The following ASIC2 variants were observed in gnomAD, a reference collection of about 807,000 sequenced individuals.
The protein encoded by ASIC2 is acid sensing ion channel subunit 2, also known as acid-sensing ion channel 2.
In ASIC2, 25 loss-of-function variants were observed where a neutral mutation model predicts 57.3. The observed-to-expected ratio is 0.44, with a 90% confidence interval of 0.32 to 0.61. The LOEUF (loss-of-function observed/expected upper bound fraction) is 0.61, where lower values mean the gene tolerates loss of function less well. Ranked by LOEUF, ASIC2 falls within the 20% of genes least tolerant of loss-of-function variation. ASIC2 has a pLI of 0.06. For missense variants in ASIC2, 641 were observed against 738.1 expected, an observed-to-expected ratio of 0.87 and a Z score of 1.52; for synonymous variants, 319 against 307.5, an observed-to-expected ratio of 1.04 and a Z score of -0.39.
chr17:33,646,380 C>T (rs1906739931), intron 1 of ASIC2, among the ~76,000 whole-genome samples: 1 of 152,126 alleles, frequency 6.6e-6, no homozygotes, highest in Admixed American at 6.5e-5. Context: ...CACTGATTGG[C>T]CAGATCCCAA....
At chr17:33,174,356 G>A (rs1905652177) in intron 1 of ASIC2, among the ~76,000 whole-genome samples, 1 of 151,336 alleles carries the variant, frequency 6.6e-6, no homozygotes, top group South Asian at 2.1e-4. Context: ...GGGTGGTGGA[G>A]GTTGCAGTGA....
chr17:33,919,721 C>T (rs8065025), intron 1 of ASIC2, among the ~76,000 whole-genome samples: 47,035 of 152,030 alleles, frequency 0.31, 7,802 homozygotes, highest in Admixed American at 0.38. Flanking sequence ...AACTATAAAC[C>T]GAGTAAATAG....
intron 1 of ASIC2, among the ~76,000 whole-genome samples, chr17:33,513,320 C>CAAG (rs1416179911): frequency 2.0e-5 from 3 of 152,214 alleles, no homozygotes; most frequent in Non-Finnish European, 4.4e-5. Context: ...CAGCTTTTCA[C>CAAG]AAGAAATAAT....
intron 1 of ASIC2, among the ~76,000 whole-genome samples, chr17:34,012,833 G>A (rs1428400384): frequency 6.6e-6 from 1 of 152,108 alleles, no homozygotes; most frequent in Non-Finnish European, 1.5e-5. Context: ...AAAGAGTTCA[G>A]GTCTCACTCA....
intron 1 of ASIC2, chr17:33,828,574 T>C (rs976951299): frequency 3.3e-5 from 5 of 152,268 alleles, no homozygotes; most frequent in African/African-American, 1.2e-4. Flanking sequence ...ACTCGGCGCT[T>C]CCTCGTCTCC....
intron 1 of ASIC2, among the ~76,000 whole-genome samples, chr17:33,756,037 G>T (rs1910594731): frequency 6.6e-6 from 1 of 152,226 alleles, no homozygotes; most frequent in East Asian, 1.9e-4. Flanking sequence ...CACCCAGCCG[G>T]CAGCTCTGCT....
chr17:34,109,473 G>A (rs1183234149), intron 1 of ASIC2, among the ~76,000 whole-genome samples: 2 of 152,094 alleles, frequency 1.3e-5, no homozygotes, highest in Non-Finnish European at 2.9e-5. Context: ...CTAGATCTTA[G>A]AATATGAGAA....
intron 1 of ASIC2, among the ~76,000 whole-genome samples, chr17:33,922,892 T>A (rs1041135952): frequency 6.6e-6 from 1 of 152,200 alleles, no homozygotes; most frequent in African/African-American, 2.4e-5. Context: ...CTCAGCTGGC[T>A]GGGGATCTCT....
Position 33,927,529 on chromosome 17 carries a change from T to C in ASIC2, c.555+228449A>G, listed in dbSNP as rs550573347. Among the ~76,000 whole-genome samples the C allele has an allele frequency of 2.0e-5, 3 of 152,350 alleles. No individual in the cohort carries two copies. In the South Asian group the frequency reaches 6.2e-4, roughly 32 times the overall value. On this transcript the variant is annotated intron_variant, in intron 1 of 9. Coordinates refer to the ASIC2 transcript ENST00000359872. The stretch of plus-strand genomic sequence containing the variant: ...CTATCAATGCAGCACAGAGGGAGCC[T>C]TTCCAGACACCTGATCTGCTGCTGC...
chr17:33,342,759 G>A (rs1907776842), intron 1 of ASIC2, among the ~76,000 whole-genome samples: 1 of 152,218 alleles, frequency 6.6e-6, no homozygotes, highest in East Asian at 1.9e-4. Context: ...AGAGTTTCTG[G>A]GCAAAGCTCA....
chr17:33,556,731 G>C (rs953055111), intron 1 of ASIC2, among the ~76,000 whole-genome samples: 1 of 152,172 alleles, frequency 6.6e-6, no homozygotes, highest in Admixed American at 6.5e-5. Flanking sequence ...ATGTATTAGT[G>C]TTTACAGGTA....
intron 2 of ASIC2, chr17:33,099,874 G>T (rs569500694): frequency 6.6e-6 from 1 of 152,262 alleles, no homozygotes; most frequent in Admixed American, 6.5e-5. Context: ...TGTGATTATA[G>T]AATTCAAAAT....
chr17:33,821,717 A>G (rs1385978520), intron 1 of ASIC2, among the ~76,000 whole-genome samples: 1 of 152,218 alleles, frequency 6.6e-6, no homozygotes, highest in Non-Finnish European at 1.5e-5. Context: ...ATTCATCAGC[A>G]AACTCATTTC....
At chr17:34,115,928 C>T (rs2142114955) in intron 1 of ASIC2, among the ~76,000 whole-genome samples, 1 of 152,282 alleles carries the variant, frequency 6.6e-6, no homozygotes, top group South Asian at 2.1e-4. Flanking sequence ...GGGGAGAAGG[C>T]TGATGGGATC....
rs754374656 is a variant in ASIC2 at position 34,156,099 on chromosome 17, T to G, written c.434A>C (p.His145Pro). 1 of 1,614,098 alleles carries G rather than the reference T, an allele frequency of 6.2e-7. No homozygotes were observed. The highest frequency in any genetic ancestry group is 8.5e-7 in the Non-Finnish European group (1 of 1,180,032). ...CATGCTGAACTGCTTGGGTTTGTAGTGCTTGAAGTTGGCCTTCTGCCGCAG... is the reference window on the plus strand; with the variant it reads ...CATGCTGAACTGCTTGGGTTTGTAGGGCTTGAAGTTGGCCTTCTGCCGCAG... Residue 145 changes from histidine (H) to proline (P), a missense_variant, in exon 1 of 10, where the codon CAC becomes CCC. By Grantham distance (77) the His-to-Pro change is moderately conservative (BLOSUM62 -2). Transcript: ENST00000359872. The surrounding 1 kb of genome is among the most constrained non-coding windows in gnomAD (Gnocchi z 4.4).
At chr17:33,161,224 G>C (rs1905151397) in intron 1 of ASIC2, among the ~76,000 whole-genome samples, 1 of 152,316 alleles carries the variant, frequency 6.6e-6, no homozygotes. Flanking sequence ...GTGAGTAAGA[G>C]GACTAAGGTT....
Position 33,292,917 on chromosome 17 carries a change from G to C in ASIC2, c.-802C>G. On this transcript the variant is annotated 5_prime_UTR_variant, in exon 1 of 10. Coordinates refer to ENST00000225823, the MANE Select transcript of ASIC2 (RefSeq NM_183377.2). ...TTCTCAGGGCGTCCTGCGGGAGGCT[G>C]TTCGCCGCCGGGGTCCTTCAAGGAT... 2.0e-6 allele frequency: 2 copies of C among 985,552 alleles called. No homozygotes were observed. The highest frequency in any genetic ancestry group is 2.4e-6 in the Non-Finnish European group (2 of 830,008). The allele number at this position is 985,552 out of a possible 1,614,324, so 61.1% of individuals were successfully genotyped here.
chr17:33,221,116 G>C (rs1328477525), intron 1 of ASIC2, among the ~76,000 whole-genome samples: 1 of 151,784 alleles, frequency 6.6e-6, no homozygotes, highest in Non-Finnish European at 1.5e-5. Context: ...GGTGTAGGCA[G>C]ACCCCTGGAG....
chr17:33,024,154 G>T, intron 5 of ASIC2, 140 bp from the exon 6 acceptor site: 1 of 1,116,526 alleles, frequency 9.0e-7, no homozygotes, highest in Non-Finnish European at 1.3e-6. Context: ...AGGGATTGTG[G>T]AGAGAGGGGA....
Sources: gnomAD v4.1 joint callset for allele counts (sites outside exome capture counted in the v4.1 genomes callset) on GRCh38, gnomAD v4.1.1 for gene constraint, Gnocchi (gnomAD v3.1) non-coding constraint, MANE v1.5 for transcripts, NCBI Gene and HGNC (gene_info 2026-07-23, HGNC 2026-07-21) for gene names.